Variants in NLGN1 observed in about 807,000 individuals in gnomAD.
The protein encoded by NLGN1 is neuroligin 1, also known as neuroligin-1.
Under a neutral mutation model 65.5 loss-of-function variants are expected in NLGN1, and 12 were observed. The ratio of observed to expected loss-of-function variants is 0.18; its 90% CI spans 0.12 to 0.30. The LOEUF (loss-of-function observed/expected upper bound fraction) is 0.30, where lower values mean the gene tolerates loss of function less well. Ranked by LOEUF, NLGN1 falls within the 10% of genes least tolerant of loss-of-function variation. The pLI, the probability that NLGN1 is intolerant of heterozygous loss-of-function variation, is 1.00. For missense variants in NLGN1, 750 were observed against 1,007.1 expected (o/e 0.74, Z 3.46); for synonymous variants, 350 against 359.5 (o/e 0.97, Z 0.30).
chr3:173,466,505 G>A (rs566509796), intron 2 of NLGN1, among the ~76,000 whole-genome samples: 1 of 152,270 alleles, frequency 6.6e-6, no homozygotes, highest in East Asian at 1.9e-4. Context: ...TCCTGAGTTG[G>A]CTGCAACAGA....
chr3:174,211,840 T>G (rs1736639099), intron 4 of NLGN1, among the ~76,000 whole-genome samples: 2 of 152,198 alleles, frequency 1.3e-5, no homozygotes, highest in African/African-American at 4.8e-5. Flanking sequence ...ATTGGTGTGT[T>G]TACAATCCCT....
chr3:174,159,064 C>T (rs531148503), intron 4 of NLGN1, among the ~76,000 whole-genome samples: 1 of 151,758 alleles, frequency 6.6e-6, no homozygotes, highest in African/African-American at 2.4e-5. Flanking sequence ...TGAGTAACTC[C>T]TGAGTCAACT....
At chr3:173,518,688 C>T (rs868862281) in intron 2 of NLGN1, among the ~76,000 whole-genome samples, 2 of 151,898 alleles carry the variant, frequency 1.3e-5, no homozygotes, top group Admixed American at 1.3e-4. Flanking sequence ...ACAACCTATG[C>T]TCATATGTGT....
intron 4 of NLGN1, among the ~76,000 whole-genome samples, chr3:174,187,187 A>G (rs2193744): frequency 0.53 from 81,094 of 151,670 alleles, 22,492 homozygotes; most frequent in East Asian, 0.79. Flanking sequence ...GAATTCACAG[A>G]TGAAGAACCC....
At chr3:174,158,344 A>G (rs948273420) in intron 4 of NLGN1, among the ~76,000 whole-genome samples, 1 of 151,842 alleles carries the variant, frequency 6.6e-6, no homozygotes, top group African/African-American at 2.4e-5. Flanking sequence ...ATCTGAAACT[A>G]TAATGTATAT....
chr3:173,597,087 A>C (rs919534851), intron 2 of NLGN1, among the ~76,000 whole-genome samples: 2 of 151,956 alleles, frequency 1.3e-5, no homozygotes, highest in Non-Finnish European at 2.9e-5. Context: ...CAGCCTTTTT[A>C]TTTTCCTTCT....
chr3:173,772,094 A>G (rs1478284113), intron 3 of NLGN1, among the ~76,000 whole-genome samples: 8 of 152,096 alleles, frequency 5.3e-5, no homozygotes, highest in East Asian at 3.9e-4. Context: ...GTGTTTTTCA[A>G]TTATTTAAAG....
intron 4 of NLGN1, among the ~76,000 whole-genome samples, chr3:174,010,799 C>T (rs1725378922): frequency 6.6e-6 from 1 of 152,028 alleles, no homozygotes; most frequent in Admixed American, 6.6e-5. Flanking sequence ...ATATTTAGTG[C>T]CACCAGGTTA....
intron 2 of NLGN1, among the ~76,000 whole-genome samples, chr3:173,536,527 T>A (rs1442159732): frequency 6.6e-6 from 1 of 152,238 alleles, no homozygotes; most frequent in East Asian, 1.9e-4. Context: ...CTTCATGTAC[T>A]TGTTAACATG....
intron 4 of NLGN1, among the ~76,000 whole-genome samples, chr3:174,135,644 A>C (rs973090967): frequency 1.3e-5 from 2 of 152,188 alleles, no homozygotes; most frequent in Non-Finnish European, 1.5e-5. Flanking sequence ...TATTTACAGT[A>C]GTTGAAATAT....
intron 4 of NLGN1, among the ~76,000 whole-genome samples, chr3:174,195,519 A>G (rs1733246608): frequency 6.6e-6 from 1 of 152,236 alleles, no homozygotes; most frequent in African/African-American, 2.4e-5. Context: ...TAATCTGTGT[A>G]TGAGATTGCT....
intron 3 of NLGN1, among the ~76,000 whole-genome samples, chr3:173,634,475 A>G (rs1026139039): frequency 2.0e-5 from 3 of 152,082 alleles, no homozygotes; most frequent in African/African-American, 7.2e-5. Context: ...TTTTTACAAA[A>G]TGAGATGACA....
intron 4 of NLGN1, among the ~76,000 whole-genome samples, chr3:174,272,570 T>TATCA (rs1749602904): frequency 6.6e-6 from 1 of 151,632 alleles, no homozygotes. Context: ...AGACAGCTGC[T>TATCA]ATCAGTTTTT....
chr3:173,594,383 C>T (rs1387933883), intron 2 of NLGN1, among the ~76,000 whole-genome samples: 1 of 152,182 alleles, frequency 6.6e-6, no homozygotes, highest in Non-Finnish European at 1.5e-5. Context: ...AATCTTAAAG[C>T]TCCAAAATAA....
intron 3 of NLGN1, among the ~76,000 whole-genome samples, chr3:173,790,590 A>G (rs1476776031): frequency 6.6e-6 from 1 of 152,196 alleles, no homozygotes; most frequent in African/African-American, 2.4e-5. Context: ...TACCAAGGTC[A>G]TATAGCTGGC....
At chr3:173,888,381 A>G (rs972806690) in intron 4 of NLGN1, among the ~76,000 whole-genome samples, 1 of 152,106 alleles carries the variant, frequency 6.6e-6, no homozygotes, top group African/African-American at 2.4e-5. Context: ...AATACCTAGT[A>G]TAATATAAAT....
chr3:173,443,769 AC>A, intron 2 of NLGN1, among the ~76,000 whole-genome samples: 1 of 152,334 alleles, frequency 6.6e-6, no homozygotes, highest in Middle Eastern at 3.4e-3. Flanking sequence ...TGCTAGTTAA[AC>A]CCATAACCGT....
chr3:173,488,420 A>G (rs1728520081), intron 2 of NLGN1, among the ~76,000 whole-genome samples: 1 of 151,902 alleles, frequency 6.6e-6, no homozygotes, highest in African/African-American at 2.4e-5. Flanking sequence ...CCTGGATTGA[A>G]TTCTCTTTTC....
intron 4 of NLGN1, among the ~76,000 whole-genome samples, chr3:174,124,583 ACG>A (rs1718488465): frequency 1.2e-5 from 1 of 80,594 alleles, no homozygotes; most frequent in African/African-American, 1.2e-4. Flanking sequence ...ACACATATAT[ACG>A]TATATATACG....
Sources: allele counts gnomAD v4.1 joint callset (sites outside exome capture counted in the v4.1 genomes callset), GRCh38; gene constraint gnomAD v4.1.1; transcripts MANE v1.5; gene names NCBI Gene and HGNC (gene_info 2026-07-23, HGNC 2026-07-21).